The following GTF2B variants were observed in gnomAD, a reference collection of about 807,000 sequenced individuals.
The protein encoded by GTF2B is general transcription factor IIB, also known as transcription initiation factor IIB.
GTF2B carries 20 observed loss-of-function variants against 34.6 expected under a neutral mutation model. That is an observed-to-expected ratio of 0.58 (90% CI 0.41 to 0.84). The LOEUF is 0.84. GTF2B is among the 40% of genes least tolerant of loss of function. The probability of loss-of-function intolerance (pLI) is 0.00; values close to 1 mark genes in which losing one functional copy is unlikely to be tolerated. For missense variants in GTF2B, 237 were observed against 393.3 expected, an observed-to-expected ratio of 0.60 and a Z score of 3.36; for synonymous variants, 142 against 132.4, an observed-to-expected ratio of 1.07 and a Z score of -0.50.
intron 1 of GTF2B, among the ~76,000 whole-genome samples, chr1:88,889,489 T>TC (rs1451246473): frequency 6.6e-6 from 1 of 152,238 alleles, no homozygotes; most frequent in Admixed American, 6.5e-5. Flanking sequence ...ATGGACTGTA[T>TC]TACTTGTGTT....
chr1:88,866,289 G>C (rs1673558626), intron 2 of GTF2B, among the ~76,000 whole-genome samples: 1 of 152,202 alleles, frequency 6.6e-6, no homozygotes, highest in African/African-American at 2.4e-5. Context: ...AGGAGGTTGA[G>C]GCTGCAGGGA....
rs554448069 is a variant in GTF2B at position 88,891,483 on chromosome 1, C to T, written c.17G>A (p.Arg6His). ...GCCGGGCTCGGCGGGACATACTAACCGGCTGGTAGACGCCATCTTCACGGC... is the reference window on the plus strand; with the variant it reads ...GCCGGGCTCGGCGGGACATACTAACTGGCTGGTAGACGCCATCTTCACGGC... MASTSRLDALPRVTCP... is the reference protein window; with the variant it reads MASTSHLDALPRVTCP... The change falls in exon 1 of 7, where the codon CGT (arginine) becomes CAT (histidine). Residue 6 changes from arginine to histidine, a missense_variant and splice_region_variant. Arg to His is a conservative substitution (Grantham distance 29). Around this residue, in one of 3 missense-constraint regions of GTF2B, gnomAD observed 130 missense variants for 170.9 expected, o/e 0.76. Transcript: ENST00000370500. The T allele has an allele frequency of 3.1e-6, 5 of 1,602,510 alleles. No homozygotes were observed. In the African/African-American group the frequency reaches 5.3e-5, roughly 17 times the overall value.
At chr1:88,865,644 G>T (rs1421909936) in intron 2 of GTF2B, among the ~76,000 whole-genome samples, 1 of 152,062 alleles carries the variant, frequency 6.6e-6, no homozygotes, top group African/African-American at 2.4e-5. Context: ...CACCTGGTTG[G>T]GAATTTGAGA....
intron 2 of GTF2B, among the ~76,000 whole-genome samples, chr1:88,866,884 T>G (rs1401197882): frequency 6.6e-6 from 1 of 152,164 alleles, no homozygotes; most frequent in Non-Finnish European, 1.5e-5. Context: ...TAGAAGGCAA[T>G]TTTAATACAT....
intron 2 of GTF2B, among the ~76,000 whole-genome samples, chr1:88,880,170 A>C (rs892775218): frequency 2.6e-5 from 4 of 152,256 alleles, no homozygotes; most frequent in South Asian, 2.1e-4. Flanking sequence ...GTTTCAGACA[A>C]TGTAAAAAAT....
At chr1:88,883,639 G>C (rs1570736357) in intron 2 of GTF2B, among the ~76,000 whole-genome samples, 1 of 151,856 alleles carries the variant, frequency 6.6e-6, no homozygotes, top group African/African-American at 2.4e-5. Flanking sequence ...TCCAGCCTGA[G>C]AAACAGAGTG....
intron 2 of GTF2B, among the ~76,000 whole-genome samples, chr1:88,869,996 C>T (rs546075883): frequency 2.0e-5 from 3 of 151,172 alleles, no homozygotes; most frequent in Non-Finnish European, 2.9e-5. Flanking sequence ...GGCACAATCT[C>T]GGCTCACTGC....
At chr1:88,855,378 G>A (rs1010136841) in intron 6 of GTF2B, among the ~76,000 whole-genome samples, 1 of 41,198 alleles carries the variant, frequency 2.4e-5, no homozygotes, top group African/African-American at 9.5e-5. Flanking sequence ...TTTTTTTTTT[G>A]AGACAGTCCT....
In GTF2B at chr1:88,890,406, C is replaced by T. The variant is rs555963394; in HGVS notation, c.17+1077G>A. Reference sequence around the variant, plus strand: ...CCTTTTCTAATCATAAAATGTAAGTCTTGGCAGTTACCAGAAAAGGCTATT... The same window carrying T: ...CCTTTTCTAATCATAAAATGTAAGTTTTGGCAGTTACCAGAAAAGGCTATT... On this transcript the variant is annotated intron_variant, in intron 1 of 6. Coordinates refer to ENST00000370500, the MANE Select transcript of GTF2B (RefSeq NM_001514.6). Among the ~76,000 whole-genome samples, 18 of 152,304 alleles carry T rather than the reference C, an allele frequency of 1.2e-4. No individual in the cohort carries two copies. In the South Asian group the frequency reaches 3.7e-3, roughly 32 times the overall value.
At chr1:88,867,695 T>C (rs1389338201) in intron 2 of GTF2B, among the ~76,000 whole-genome samples, 1 of 152,212 alleles carries the variant, frequency 6.6e-6, no homozygotes, top group Non-Finnish European at 1.5e-5. Flanking sequence ...AACCATTAGT[T>C]AGCTAAGATG....
intron 2 of GTF2B, among the ~76,000 whole-genome samples, chr1:88,870,359 A>G (rs1673662990): frequency 6.6e-6 from 1 of 152,244 alleles, no homozygotes; most frequent in Admixed American, 6.5e-5. Flanking sequence ...ATTAAAAATT[A>G]AAAACTCATT....
intron 2 of GTF2B, among the ~76,000 whole-genome samples, chr1:88,886,667 C>T (rs879877323): frequency 6.6e-6 from 1 of 152,144 alleles, no homozygotes. Context: ...CAGTCCTCTA[C>T]CAAATATTTC....
Position 88,881,270 on chromosome 1 carries a change from T to C in GTF2B, c.124+5991A>G, listed in dbSNP as rs532188256. Among the ~76,000 whole-genome samples, 9 of 151,570 alleles carry C rather than the reference T, an allele frequency of 5.9e-5. No individual in the cohort carries two copies. The East Asian group carries it at 7.8e-4, about 13-fold the overall frequency. ...GTACAGGTTTGTAGCCCAGAAGCAA[T>C]AGGCTATACTATGTAGCCTAGGTGT... On this transcript the variant is annotated intron_variant, in intron 2 of 6. Transcript: ENST00000370500.
At chr1:88,870,604 C>T (rs1373082990) in intron 2 of GTF2B, among the ~76,000 whole-genome samples, 1 of 152,116 alleles carries the variant, frequency 6.6e-6, no homozygotes, top group Admixed American at 6.5e-5. Flanking sequence ...AATTCAGTCA[C>T]TTTTAATAGA....
chr1:88,859,572 C>T (rs111725595), intron 5 of GTF2B, among the ~76,000 whole-genome samples: 8 of 152,254 alleles, frequency 5.3e-5, no homozygotes, highest in African/African-American at 1.9e-4. Flanking sequence ...CAGTGCCTCA[C>T]GCCTGTTAAT....
intron 2 of GTF2B, among the ~76,000 whole-genome samples, chr1:88,870,885 T>C (rs898597790): frequency 2.6e-5 from 4 of 151,428 alleles, no homozygotes; most frequent in Non-Finnish European, 5.9e-5. Context: ...CCACTGTGTT[T>C]CTTACACAGT....
chr1:88,877,192 T>C (rs1673836380), intron 2 of GTF2B, among the ~76,000 whole-genome samples: 3 of 152,176 alleles, frequency 2.0e-5, no homozygotes, highest in Admixed American at 6.6e-5. Flanking sequence ...ATATTTCAGA[T>C]TCGCTGGTAT....
chr1:88,890,828 A>G (rs1674181604), intron 1 of GTF2B, among the ~76,000 whole-genome samples: 1 of 152,166 alleles, frequency 6.6e-6, no homozygotes, highest in Non-Finnish European at 1.5e-5. Context: ...ACCTCCCAGC[A>G]CATATAACTA....
intron 2 of GTF2B, among the ~76,000 whole-genome samples, chr1:88,883,699 G>C (rs971307765): frequency 3.9e-5 from 6 of 152,076 alleles, no homozygotes; most frequent in African/African-American, 1.2e-4. Context: ...ATAGTTACGT[G>C]CACAAGAGTG....
Sources: allele counts gnomAD v4.1 joint callset (sites outside exome capture counted in the v4.1 genomes callset), GRCh38; gene constraint gnomAD v4.1.1; regional missense constraint gnomAD v4.1.1; transcripts MANE v1.5; gene names NCBI Gene and HGNC (gene_info 2026-07-23, HGNC 2026-07-21).